Variants in DLEU7 observed in about 807,000 individuals in gnomAD.
DLEU7 encodes the protein deleted in lymphocytic leukemia 7, also known as leukemia-associated protein 7.
A neutral mutation model predicts 16.0 loss-of-function variants in DLEU7; 17 were observed. That is an observed-to-expected ratio of 1.06 (90% CI 0.73 to 1.59). The LOEUF is 1.59. Among genes scored for constraint, DLEU7 ranks in the 40% most tolerant of loss-of-function variants. The pLI is 0.00. For missense variants in DLEU7, 308 were observed against 314.9 expected (o/e 0.98, Z 0.17); for synonymous variants, 113 against 139.8 (o/e 0.81, Z 1.35).
At chr13:50,775,861 C>T (rs1397304126) in intron 1 of DLEU7, among the ~76,000 whole-genome samples, 2 of 152,140 alleles carry the variant, frequency 1.3e-5, no homozygotes, top group African/African-American at 4.8e-5. Context: ...TAATTCTCAT[C>T]TGTTTTCCCT....
At chr13:50,769,590 A>G (rs898522905) in intron 1 of DLEU7, among the ~76,000 whole-genome samples, 1 of 152,100 alleles carries the variant, frequency 6.6e-6, no homozygotes, top group Non-Finnish European at 1.5e-5. Flanking sequence ...CAAAGATCAG[A>G]TGGTTGTATA....
chr13:50,744,141 A>G (rs1449659653), intron 1 of DLEU7, among the ~76,000 whole-genome samples: 2 of 152,086 alleles, frequency 1.3e-5, no homozygotes, highest in Admixed American at 6.6e-5. Flanking sequence ...GGCAGCAGCA[A>G]TTTACTTGCA....
At chr13:50,744,337 T>G (rs911270758) in intron 1 of DLEU7, among the ~76,000 whole-genome samples, 6 of 152,234 alleles carry the variant, frequency 3.9e-5, no homozygotes, top group African/African-American at 1.4e-4. Context: ...TATCTAAGTT[T>G]TCTTTCATTT....
chr13:50,823,603 C>A, intron 1 of DLEU7, 83 bp from the exon 2 acceptor site: 1 of 1,453,438 alleles, frequency 6.9e-7, no homozygotes, highest in Non-Finnish European at 9.2e-7. Context: ...AGCTTCCATT[C>A]TTTTCTCTTC....
intron 1 of DLEU7, among the ~76,000 whole-genome samples, chr13:50,732,701 C>G (rs1488111592): frequency 2.0e-5 from 3 of 150,318 alleles, no homozygotes; most frequent in African/African-American, 7.4e-5. Context: ...AATGATCACA[C>G]TATGTTAAAT....
intron 1 of DLEU7, among the ~76,000 whole-genome samples, chr13:50,811,128 G>A (rs372274005): frequency 1.1e-4 from 16 of 152,248 alleles, no homozygotes; most frequent in African/African-American, 2.6e-4. Context: ...CCCTACTTTT[G>A]CTTGTCAGGG....
chr13:50,759,105 A>G (rs1246752737), intron 1 of DLEU7, among the ~76,000 whole-genome samples: 6 of 152,186 alleles, frequency 3.9e-5, no homozygotes, highest in Non-Finnish European at 8.8e-5. Context: ...AGTTCATCCA[A>G]TTTGCAAACA....
chr13:50,739,041 T>A (rs1351478983), intron 1 of DLEU7, among the ~76,000 whole-genome samples: 1 of 151,044 alleles, frequency 6.6e-6, no homozygotes, highest in East Asian at 2.0e-4. Context: ...CTGGCCTGAT[T>A]TCTGTTCTTC....
Position 50,843,671 on chromosome 13 carries a change from C to G in DLEU7, c.-25G>C. The stretch of plus-strand genomic sequence containing the variant: ...TCGCCTCCGCTGGCGGCCCGGCGCG[C>G]TCCGCGTGCAGGTGGAGCAGCAGCG... On this transcript the variant is annotated 5_prime_UTR_variant, in exon 1 of 2. Coordinates refer to ENST00000504404, the MANE Select transcript of DLEU7 (RefSeq NM_001306135.2). The surrounding 1 kb of genome is among the most constrained non-coding windows in gnomAD (Gnocchi z 5.7). The G allele has an allele frequency of 4.7e-6, 7 of 1,498,570 alleles. No individual in the cohort carries two copies. The highest frequency in any genetic ancestry group is 6.2e-6 in the Non-Finnish European group (7 of 1,131,578). 92.8% of individuals were successfully genotyped at this position (1,498,570 alleles called of 1,614,324 possible).
chr13:50,721,473 TA>T (rs5803527), intron 1 of DLEU7, among the ~76,000 whole-genome samples: 12,431 of 150,576 alleles, frequency 0.083, 567 homozygotes, highest in East Asian at 0.15. Context: ...CATCTAGCAT[TA>T]AAAAAAAATG....
At chr13:50,749,214 T>G (rs1874489777) in intron 1 of DLEU7, among the ~76,000 whole-genome samples, 1 of 152,126 alleles carries the variant, frequency 6.6e-6, no homozygotes. Flanking sequence ...GCAAATGCCA[T>G]TAATTCATTC....
At chr13:50,834,256 C>A (rs1197974923) in intron 1 of DLEU7, among the ~76,000 whole-genome samples, 1 of 152,028 alleles carries the variant, frequency 6.6e-6, no homozygotes, top group Non-Finnish European at 1.5e-5. Flanking sequence ...GAACAGGCAA[C>A]CTACAAATGG....
intron 1 of DLEU7, among the ~76,000 whole-genome samples, chr13:50,732,183 C>T (rs554009665): frequency 2.0e-5 from 3 of 152,164 alleles, no homozygotes; most frequent in Non-Finnish European, 4.4e-5. Flanking sequence ...AGATGTAATA[C>T]TATCACAGAA....
chr13:50,752,976 C>A (rs1246424027), intron 1 of DLEU7, among the ~76,000 whole-genome samples: 1 of 152,070 alleles, frequency 6.6e-6, no homozygotes, highest in Admixed American at 6.5e-5. Context: ...CTTTACAATC[C>A]CTGAGCTAGA....
chr13:50,748,940 C>T (rs1346730409), intron 1 of DLEU7, among the ~76,000 whole-genome samples: 1 of 152,016 alleles, frequency 6.6e-6, no homozygotes, highest in Non-Finnish European at 1.5e-5. Context: ...TATTTGGTTA[C>T]ATGAGTAAGT....
chr13:50,755,549 CT>C (rs35222883), intron 1 of DLEU7, among the ~76,000 whole-genome samples: 3 of 151,442 alleles, frequency 2.0e-5, no homozygotes, highest in Non-Finnish European at 2.9e-5. Flanking sequence ...GTTTTTATTG[CT>C]TTTTTTTATG....
chr13:50,838,892 G>A (rs1037621133), intron 1 of DLEU7, among the ~76,000 whole-genome samples: 5 of 152,238 alleles, frequency 3.3e-5, no homozygotes, highest in Non-Finnish European at 7.3e-5. Context: ...TGAGGACGCA[G>A]CGAGAAGGCA....
At chr13:50,781,335 A>G (rs1193124376) in intron 1 of DLEU7, among the ~76,000 whole-genome samples, 1 of 152,254 alleles carries the variant, frequency 6.6e-6, no homozygotes, top group Non-Finnish European at 1.5e-5. Context: ...CAGCCATCAG[A>G]GAAATGCTGT....
intron 1 of DLEU7, among the ~76,000 whole-genome samples, chr13:50,775,603 A>G (rs193181015): frequency 6.6e-6 from 1 of 152,308 alleles, no homozygotes; most frequent in East Asian, 1.9e-4. Flanking sequence ...CCCAAACTCC[A>G]TATTCTGATT....
Sources: allele counts gnomAD v4.1 joint callset (sites outside exome capture counted in the v4.1 genomes callset), GRCh38; gene constraint gnomAD v4.1.1; non-coding constraint Gnocchi (gnomAD v3.1); transcripts MANE v1.5; gene names NCBI Gene and HGNC (gene_info 2026-07-23, HGNC 2026-07-21).